The following SORCS3 variants were observed in gnomAD, a reference collection of about 807,000 sequenced individuals.
SORCS3 encodes the protein VPS10 domain-containing receptor SorCS3.
A neutral mutation model predicts 146.3 loss-of-function variants in SORCS3; 57 were observed. The ratio of observed to expected loss-of-function variants is 0.39; its 90% confidence interval spans 0.31 to 0.49. SORCS3 has a LOEUF of 0.49. Among genes scored for constraint, SORCS3 ranks in the 20% least tolerant of loss-of-function variants. SORCS3 has a pLI of 0.92. For synonymous variants in SORCS3, 653 were observed against 618.5 expected (o/e 1.06, Z -0.83); for missense variants, 1,341 against 1,575.5 (o/e 0.85, Z 2.52).
chr10:104,680,407 C>T (rs549606163), intron 1 of SORCS3, among the ~76,000 whole-genome samples: 7 of 152,316 alleles, frequency 4.6e-5, no homozygotes, highest in African/African-American at 1.7e-4. Context: ...TTTTCTCAAC[C>T]TAGTGAGTCT....
chr10:105,246,307 GTTTTC>G (rs988717449), intron 21 of SORCS3, among the ~76,000 whole-genome samples: 1 of 151,714 alleles, frequency 6.6e-6, no homozygotes, highest in Non-Finnish European at 1.5e-5. Context: ...TATCACTGTG[GTTTTC>G]TTTTCTTTTC....
intron 1 of SORCS3, among the ~76,000 whole-genome samples, chr10:104,726,948 G>C (rs975017251): frequency 7.9e-5 from 12 of 152,104 alleles, no homozygotes; most frequent in African/African-American, 2.9e-4. Context: ...ATTGACATTT[G>C]CCTGTTTTTA....
intron 4 of SORCS3, among the ~76,000 whole-genome samples, chr10:105,002,947 G>C (rs952022225): frequency 6.6e-6 from 1 of 152,182 alleles, no homozygotes; most frequent in Admixed American, 6.5e-5. Context: ...TTTGTATTAA[G>C]TAATGTAATA....
At chr10:104,891,700 C>G (rs911899154) in intron 2 of SORCS3, among the ~76,000 whole-genome samples, 3 of 151,878 alleles carry the variant, frequency 2.0e-5, no homozygotes, top group African/African-American at 7.3e-5. Flanking sequence ...TCTGTTACTC[C>G]CTCTTGTCCA....
chr10:104,927,037 C>A (rs557933317), intron 3 of SORCS3, among the ~76,000 whole-genome samples: 12 of 152,160 alleles, frequency 7.9e-5, no homozygotes, highest in African/African-American at 2.6e-4. Flanking sequence ...ACTTAGTGTA[C>A]TTTTTAGGTG....
chr10:105,168,371 C>T (rs1431690021), intron 13 of SORCS3, among the ~76,000 whole-genome samples: 1 of 152,068 alleles, frequency 6.6e-6, no homozygotes, highest in Non-Finnish European at 1.5e-5. Flanking sequence ...CAACTTGTTG[C>T]TGTTGTTGTT....
At chr10:105,255,559 A>G in intron 23 of SORCS3, 143 bp from the exon 24 acceptor site, 1 of 613,890 alleles carries the variant, frequency 1.6e-6, no homozygotes, top group Non-Finnish European at 2.9e-6. Context: ...GTGAGAACCA[A>G]ATCGATAAAT....
chr10:104,696,722 CATATATA>C (rs1212164163), intron 1 of SORCS3, among the ~76,000 whole-genome samples: 2 of 23,182 alleles, frequency 8.6e-5, no homozygotes, highest in African/African-American at 1.6e-4. Context: ...TAATATATAA[CATATATA>C]ATATATAATA....
chr10:104,774,243 T>C (rs2017283404), intron 1 of SORCS3, among the ~76,000 whole-genome samples: 1 of 152,174 alleles, frequency 6.6e-6, no homozygotes, highest in Admixed American at 6.5e-5. Flanking sequence ...TACTTTTGCC[T>C]GAATGTTCTA....
chr10:104,676,268 A>G (rs762417526), intron 1 of SORCS3, among the ~76,000 whole-genome samples: 6 of 152,172 alleles, frequency 3.9e-5, no homozygotes, highest in Admixed American at 6.5e-5. Context: ...GGTAGACATA[A>G]TTCTCTTGTT....
At chr10:105,025,133 C>G (rs1589599146) in intron 4 of SORCS3, among the ~76,000 whole-genome samples, 1 of 152,274 alleles carries the variant, frequency 6.6e-6, no homozygotes, top group African/African-American at 2.4e-5. Context: ...CAGAGATATT[C>G]CTCAAGAGAG....
intron 4 of SORCS3, among the ~76,000 whole-genome samples, chr10:105,006,386 C>T (rs534935219): frequency 6.6e-6 from 1 of 152,304 alleles, no homozygotes; most frequent in South Asian, 2.1e-4. Flanking sequence ...TCCTCCTCCT[C>T]TACTCACTTC....
chr10:104,947,342 A>C (rs907582418), intron 3 of SORCS3, among the ~76,000 whole-genome samples: 1 of 152,152 alleles, frequency 6.6e-6, no homozygotes, highest in Non-Finnish European at 1.5e-5. Context: ...GGTATCAGAA[A>C]GAAGGGCTGA....
rs1005801236 is a variant in SORCS3, at chr10:104,992,723, T to C, written c.954+15230T>C. 4.6e-5 allele frequency among the ~76,000 whole-genome samples: 7 copies of C among 152,318 alleles called. No individual in the cohort carries two copies. In the South Asian group the frequency reaches 1.0e-3, roughly 23 times the overall value. ...CACACATGCTTTCTTCTAGGAGTCC[T>C]TTACTTCCCCACTTCATCTAGCTAG... On this transcript the variant is annotated intron_variant, in intron 4 of 26. Coordinates refer to ENST00000369701, the MANE Select transcript of SORCS3 (RefSeq NM_014978.3).
chr10:105,138,598 G>T (rs2056074279), intron 7 of SORCS3, among the ~76,000 whole-genome samples: 3 of 152,342 alleles, frequency 2.0e-5, no homozygotes, highest in South Asian at 4.1e-4. Flanking sequence ...GGATAATTGG[G>T]CAGAGAGCAG....
intron 1 of SORCS3, among the ~76,000 whole-genome samples, chr10:104,720,754 G>T (rs1049791581): frequency 3.9e-5 from 6 of 152,292 alleles, no homozygotes; most frequent in South Asian, 4.1e-4. Flanking sequence ...CCATGTGTCT[G>T]TTGGCTGCAT....
chr10:104,976,574 G>A (rs571375466), intron 3 of SORCS3, among the ~76,000 whole-genome samples: 11 of 152,068 alleles, frequency 7.2e-5, no homozygotes, highest in Admixed American at 5.2e-4. Context: ...TATACCCAAA[G>A]GACTATAAAT....
At chr10:105,067,129 C>G (rs1028988080) in intron 5 of SORCS3, among the ~76,000 whole-genome samples, 1 of 152,202 alleles carries the variant, frequency 6.6e-6, no homozygotes, top group Non-Finnish European at 1.5e-5. Flanking sequence ...TATTTCTCTT[C>G]CATCTTGAAA....
intron 12 of SORCS3, among the ~76,000 whole-genome samples, chr10:105,164,801 A>G (rs1359829043): frequency 2.0e-5 from 3 of 152,220 alleles, no homozygotes; most frequent in Admixed American, 6.5e-5. Flanking sequence ...TGACAAAGCC[A>G]TGGAAGTCAG....
Sources: allele counts gnomAD v4.1 joint callset (sites outside exome capture counted in the v4.1 genomes callset), GRCh38; gene constraint gnomAD v4.1.1; transcripts MANE v1.5; gene names NCBI Gene and HGNC (gene_info 2026-07-23, HGNC 2026-07-21).